The following SMARCB1 variants were observed in gnomAD, a reference collection of about 807,000 sequenced individuals.
SMARCB1 encodes SWI/SNF related BAF chromatin remodeling complex subunit B1.
In SMARCB1, 5 loss-of-function variants were observed where a neutral mutation model predicts 49.0. That is an observed-to-expected ratio of 0.10 (90% CI 0.05 to 0.21). SMARCB1 has a LOEUF of 0.21. Ranked by LOEUF, SMARCB1 falls within the 10% of genes least tolerant of loss-of-function variation. SMARCB1 has a pLI of 1.00. For missense variants in SMARCB1, 226 were observed against 509.2 expected, an observed-to-expected ratio of 0.44 and a Z score of 5.35; for synonymous variants, 201 against 200.1, an observed-to-expected ratio of 1.00 and a Z score of -0.04.
At chr22:23,824,905 C>G (rs1398739866) in intron 6 of SMARCB1, 6 of 464,236 alleles carry the variant, frequency 1.3e-5, no homozygotes, top group African/African-American at 1.2e-4. Context: ...GAGCGAAGGG[C>G]AGAAAGGAAG....
chr22:23,804,453 A>G (rs182870757), intron 5 of SMARCB1: 43 of 152,356 alleles, frequency 2.8e-4, no homozygotes, highest in African/African-American at 8.2e-4. Flanking sequence ...TTTTCTGTCA[A>G]TTCCACATGC....
Position 23,837,938 on chromosome 22 carries a change from C to T in SMARCB1, c.*3758C>T. The T allele has an allele frequency of 7.9e-7, 1 of 1,266,776 alleles. No homozygotes were observed. The highest frequency in any genetic ancestry group is 1.4e-5 in the South Asian group (1 of 70,470). The allele number at this position is 1,266,776 out of a possible 1,614,324, so 78.5% of individuals were successfully genotyped here. ...ACTTCCCAAGACCCTGGAATTCTTC[C>T]CCTCATCTCCCCTATGTGCTATTCC... On this transcript the variant is annotated 3_prime_UTR_variant, in exon 9 of 9. Transcript: ENST00000644036.
Position 23,835,231 on chromosome 22 carries a change from A to AATAGGG in SMARCB1, c.*1053_*1058dup, listed in dbSNP as rs2030950389. ...TCATGTCCCCTCTGTTCTCATCTGT[A>AATAGGG]ATAGGGAGGTGTCCCCATTCTTCAG... On this transcript the variant is annotated 3_prime_UTR_variant, in exon 9 of 9. Coordinates refer to ENST00000644036, the MANE Select transcript of SMARCB1 (RefSeq NM_003073.5). 4 of 1,190,418 alleles carry AATAGGG rather than the reference A, an allele frequency of 3.4e-6. No homozygotes were observed. Among genetic ancestry groups the AATAGGG allele is most frequent in the Non-Finnish European group, 4.2e-6 (4 of 960,952 alleles). 73.7% of individuals were successfully genotyped at this position (1,190,418 alleles called of 1,614,324 possible).
chr22:23,796,930 A>G (rs1340506002), intron 3 of SMARCB1, among the ~76,000 whole-genome samples: 1 of 151,876 alleles, frequency 6.6e-6, no homozygotes, highest in East Asian at 1.9e-4. Flanking sequence ...CTGTCATCGG[A>G]CAATTTGAGC....
intron 5 of SMARCB1, among the ~76,000 whole-genome samples, chr22:23,807,566 C>A (rs1384210006): frequency 3.4e-5 from 5 of 145,746 alleles, no homozygotes; most frequent in African/African-American, 5.0e-5. Flanking sequence ...CAGAGTGAGA[C>A]CCTGTCTCAA....
intron 3 of SMARCB1, among the ~76,000 whole-genome samples, chr22:23,796,791 T>C (rs1928774430): frequency 6.6e-6 from 1 of 151,792 alleles, no homozygotes; most frequent in African/African-American, 2.4e-5. Context: ...GCTGCAGGAG[T>C]GGAATCCCGT....
Position 23,836,935 on chromosome 22 carries a change from TTC to T in SMARCB1, c.*2757_*2758del. The T allele has an allele frequency of 6.4e-7, 1 of 1,571,630 alleles. No individual in the cohort carries two copies. Among genetic ancestry groups the T allele is most frequent in the Non-Finnish European group, 8.6e-7 (1 of 1,160,412 alleles). On this transcript the variant is annotated 3_prime_UTR_variant, in exon 9 of 9. Transcript: ENST00000644036. ...CAGGGAGGGGCAGGTAATTGGGGTC[TTC>T]TGCAGGGGCATCCAGGAGCAGCTTT... is the stretch of plus-strand genomic sequence containing the variant.
chr22:23,819,857 C>T (rs546850794), intron 6 of SMARCB1, among the ~76,000 whole-genome samples: 11 of 151,970 alleles, frequency 7.2e-5, no homozygotes, highest in Admixed American at 5.9e-4. Flanking sequence ...GACAGAGTCT[C>T]GCTCTGTTAC....
chr22:23,832,915 G>T (rs1242700912), intron 7 of SMARCB1, among the ~76,000 whole-genome samples: 1 of 152,170 alleles, frequency 6.6e-6, no homozygotes, highest in African/African-American at 2.4e-5. Context: ...GGTGGTCCTT[G>T]TGAGACCCAG....
chr22:23,795,982 G>A (rs1003454648), intron 3 of SMARCB1, among the ~76,000 whole-genome samples: 1 of 151,618 alleles, frequency 6.6e-6, no homozygotes, highest in Non-Finnish European at 1.5e-5. Flanking sequence ...TATTAGAGAC[G>A]GGGTTTCACC....
intron 3 of SMARCB1, among the ~76,000 whole-genome samples, chr22:23,794,585 A>G (rs1208353265): frequency 6.6e-6 from 1 of 152,132 alleles, no homozygotes; most frequent in Admixed American, 6.5e-5. Flanking sequence ...AAGAAACAAC[A>G]ATAGATTTGA....
chr22:23,804,803 A>ACTG lies in SMARCB1; in HGVS notation c.628+1385_628+1387dup, dbSNP rs574309813. ...TGATCCGCCTGCCGTGGCCTCTCAC[A>ACTG]CTGCTGGGATTACAGGCGTGAGCCA... On this transcript the variant is annotated intron_variant, in intron 5 of 8. Transcript: ENST00000644036. Among the ~76,000 whole-genome samples, 88 of 152,324 alleles carry ACTG rather than the reference A, an allele frequency of 5.8e-4. 2 individuals carry two copies. The South Asian group carries it at 0.017, about 30-fold the overall frequency.
chr22:23,831,692 C>G (rs2030663812), intron 7 of SMARCB1, among the ~76,000 whole-genome samples: 1 of 152,224 alleles, frequency 6.6e-6, no homozygotes, highest in African/African-American at 2.4e-5. Context: ...ACCCACTCGC[C>G]AGCTCTTGTT....
intron 5 of SMARCB1, 142 bp downstream of exon 5, chr22:23,803,564 G>T: frequency 2.1e-6 from 2 of 940,410 alleles, no homozygotes; most frequent in Non-Finnish European, 3.3e-6. Flanking sequence ...GGAGGGTGTG[G>T]GCTCTGGGTT....
At chr22:23,826,566 A>T (rs2030392770) in intron 7 of SMARCB1, among the ~76,000 whole-genome samples, 1 of 152,142 alleles carries the variant, frequency 6.6e-6, no homozygotes, top group Admixed American at 6.5e-5. Context: ...TCAAAACAGG[A>T]TGTTCAGATT....
chr22:23,827,819 C>T lies in SMARCB1; in HGVS notation c.986+2404C>T, dbSNP rs118187182. 1.9e-3 allele frequency among the ~76,000 whole-genome samples: 294 copies of T among 152,246 alleles called. 3 individuals are homozygous for T. The South Asian group carries it at 0.039, about 20-fold the overall frequency. On this transcript the variant is annotated intron_variant, in intron 7 of 8. Transcript: ENST00000644036. ...CTTAGGGTTGGGCTGTCATCCCTGACTCCAACTCGCGTTCCCCCCACTGTA... is the reference window on the plus strand; with the variant it reads ...CTTAGGGTTGGGCTGTCATCCCTGATTCCAACTCGCGTTCCCCCCACTGTA...
intron 5 of SMARCB1, among the ~76,000 whole-genome samples, chr22:23,808,260 A>G (rs571192756): frequency 6.6e-6 from 1 of 152,184 alleles, no homozygotes; most frequent in South Asian, 2.1e-4. Flanking sequence ...AGCTGGGACT[A>G]CAGGTGCCCG....
rs1357276393 is a variant in SMARCB1, at chr22:23,787,320, G to GGGCCCATGCGCC, written c.93+60_93+71dup. 3 of 1,091,470 alleles carry GGGCCCATGCGCC rather than the reference G, an allele frequency of 2.7e-6. No homozygotes were observed. In the African/African-American group the frequency reaches 5.1e-5, roughly 19 times the overall value. 67.6% of individuals were successfully genotyped at this position (1,091,470 alleles called of 1,614,324 possible). A position where few individuals can be genotyped will look rare whatever the true frequency, so the allele number is the denominator to read the frequency against. Reference sequence around the variant, plus strand: ...CTCGGCCCCGCGGGAGCCCCGGGGCGGGCCCATGCGCCGAGAGCGCGCGTC... The same window carrying GGGCCCATGCGCC: ...CTCGGCCCCGCGGGAGCCCCGGGGCGGGCCCATGCGCCGGCCCATGCGCCGAGAGCGCGCGTC... On this transcript the variant is annotated intron_variant, in intron 1 of 8. Coordinates refer to ENST00000644036, the MANE Select transcript of SMARCB1 (RefSeq NM_003073.5).
intron 3 of SMARCB1, among the ~76,000 whole-genome samples, chr22:23,796,388 C>CAG (rs10644533): frequency 0.12 from 17,500 of 152,082 alleles, 2,714 homozygotes; most frequent in African/African-American, 0.36. Flanking sequence ...TGACCCGAGA[C>CAG]GGGTCCTGTG....
Sources: gnomAD v4.1 joint callset for allele counts (sites outside exome capture counted in the v4.1 genomes callset) on GRCh38, gnomAD v4.1.1 for gene constraint, MANE v1.5 for transcripts, NCBI Gene and HGNC (gene_info 2026-07-23, HGNC 2026-07-21) for gene names.